Variants in TNFSF4 observed in about 807,000 individuals in gnomAD.
The protein encoded by TNFSF4 is tumor necrosis factor ligand superfamily member 4.
In TNFSF4, 4 loss-of-function variants were observed where a neutral mutation model predicts 7.3. The observed-to-expected ratio is 0.55, with a 90% CI of 0.27 to 1.25. TNFSF4 has a LOEUF of 1.25. Among genes scored for constraint, TNFSF4 ranks in the 50% most tolerant of loss-of-function variants. TNFSF4 has a pLI of 0.12. For synonymous variants in TNFSF4, 76 were observed against 83.7 expected (o/e 0.91, Z 0.50); for missense variants, 181 against 208.8 (o/e 0.87, Z 0.82).
At chr1:173,381,234 C>T in the TNFSF4 span, among the ~76,000 whole-genome samples, 12,764 of 152,232 alleles carry the variant, frequency 0.084, 666 homozygotes, top group East Asian at 0.27. Flanking sequence ...CCAAAACCGC[C>T]GAGGCCTAGA....
the TNFSF4 span, among the ~76,000 whole-genome samples, chr1:173,356,199 G>A: frequency 6.6e-6 from 1 of 152,192 alleles, no homozygotes. Context: ...CCTATTCCAG[G>A]ACACCAGACA....
chr1:173,436,934 T>G, the TNFSF4 span, among the ~76,000 whole-genome samples: 2 of 152,146 alleles, frequency 1.3e-5, no homozygotes, highest in African/African-American at 4.8e-5. Flanking sequence ...CGGGAGGTGA[T>G]CTCTAGGCCC....
chr1:173,422,965 T>C, the TNFSF4 span, among the ~76,000 whole-genome samples: 1 of 109,924 alleles, frequency 9.1e-6, no homozygotes, highest in Non-Finnish European at 1.9e-5. Context: ...CATACATATA[T>C]ATATGTACAT....
chr1:173,423,851 A>T, the TNFSF4 span, among the ~76,000 whole-genome samples: 1 of 152,214 alleles, frequency 6.6e-6, no homozygotes, highest in Non-Finnish European at 1.5e-5. Flanking sequence ...TAATTTGTAA[A>T]CAATAAAAAA....
At chr1:173,435,584 G>A in the TNFSF4 span, among the ~76,000 whole-genome samples, 1 of 152,178 alleles carries the variant, frequency 6.6e-6, no homozygotes, top group East Asian at 1.9e-4. Flanking sequence ...GAACCTGTCA[G>A]CATCCAAACC....
chr1:173,225,750 AC>A, the TNFSF4 span, among the ~76,000 whole-genome samples: 1 of 152,212 alleles, frequency 6.6e-6, no homozygotes, highest in Admixed American at 6.5e-5. Flanking sequence ...AAAAAGAGGA[AC>A]CATGAATTGA....
chr1:173,237,886 TC>T, the TNFSF4 span, among the ~76,000 whole-genome samples: 1 of 152,176 alleles, frequency 6.6e-6, no homozygotes, highest in Non-Finnish European at 1.5e-5. Context: ...ATGACATTCT[TC>T]ACTGAACTAG....
intron 1 of TNFSF4, among the ~76,000 whole-genome samples, chr1:173,198,370 G>A (rs1015932387): frequency 4.6e-5 from 7 of 152,174 alleles, no homozygotes; most frequent in Non-Finnish European, 8.8e-5. Context: ...ATTCAAAAGC[G>A]AGATAGATTT....
chr1:173,368,081 A>T, the TNFSF4 span, among the ~76,000 whole-genome samples: 1 of 152,234 alleles, frequency 6.6e-6, no homozygotes, highest in African/African-American at 2.4e-5. Context: ...ACCAATCAGC[A>T]GGATCCTAAA....
intron 1 of TNFSF4, among the ~76,000 whole-genome samples, chr1:173,193,495 G>A (rs976071121): frequency 1.3e-5 from 2 of 152,036 alleles, no homozygotes; most frequent in African/African-American, 2.4e-5. Context: ...AAGAAATTAA[G>A]GCTCACAGAA....
intron 1 of TNFSF4, among the ~76,000 whole-genome samples, chr1:173,202,297 A>G (rs1266047486): frequency 6.6e-6 from 1 of 152,158 alleles, no homozygotes; most frequent in Non-Finnish European, 1.5e-5. Context: ...TACACGTGCA[A>G]TATTTTCCAG....
At chr1:173,374,033 G>A in the TNFSF4 span, among the ~76,000 whole-genome samples, 1 of 152,154 alleles carries the variant, frequency 6.6e-6, no homozygotes, top group South Asian at 2.1e-4. Context: ...AAACACTCAA[G>A]AGGCACTTAA....
the TNFSF4 span, among the ~76,000 whole-genome samples, chr1:173,421,103 C>A: frequency 6.6e-6 from 1 of 152,114 alleles, no homozygotes; most frequent in African/African-American, 2.4e-5. Flanking sequence ...ACCACCACTG[C>A]CCCTGCCCGC....
the TNFSF4 span, among the ~76,000 whole-genome samples, chr1:173,254,252 T>C: frequency 1.3e-5 from 2 of 152,206 alleles, no homozygotes; most frequent in African/African-American, 4.8e-5. Flanking sequence ...CACAATTCAT[T>C]AATCAGGTCA....
At chr1:173,190,681 T>C (rs1400221291) in intron 1 of TNFSF4, among the ~76,000 whole-genome samples, 2 of 152,252 alleles carry the variant, frequency 1.3e-5, no homozygotes, top group Non-Finnish European at 2.9e-5. Context: ...AGAAGGCAAA[T>C]GACCCAATGA....
the TNFSF4 span, among the ~76,000 whole-genome samples, chr1:173,364,314 T>C: frequency 6.7e-6 from 1 of 149,332 alleles, no homozygotes; most frequent in South Asian, 2.1e-4. Flanking sequence ...TATTTCATCA[T>C]CTTGTTTTTA....
At chr1:173,216,674 C>G in the TNFSF4 span, among the ~76,000 whole-genome samples, 11 of 152,230 alleles carry the variant, frequency 7.2e-5, no homozygotes, top group East Asian at 1.9e-3. Context: ...CCACTGTATA[C>G]AGTTTGTTCA....
chr1:173,285,765 G>C, the TNFSF4 span, among the ~76,000 whole-genome samples: 1 of 152,212 alleles, frequency 6.6e-6, no homozygotes, highest in South Asian at 2.1e-4. Flanking sequence ...ATTTTTAGAC[G>C]TGATGCTATT....
At chr1:173,443,828 CCT>C in the TNFSF4 span, among the ~76,000 whole-genome samples, 22 of 152,162 alleles carry the variant, frequency 1.4e-4, no homozygotes, top group Non-Finnish European at 2.6e-4. Flanking sequence ...TCTAGAACTC[CCT>C]GATGCTACAA....
Sources: allele counts gnomAD v4.1 joint callset (sites outside exome capture counted in the v4.1 genomes callset), GRCh38; gene constraint gnomAD v4.1.1; transcripts MANE v1.5; gene names NCBI Gene and HGNC (gene_info 2026-07-23, HGNC 2026-07-21).